The following FSCN3 variants were observed in gnomAD, a reference collection of about 807,000 sequenced individuals.
The protein encoded by FSCN3 is fascin actin-bundling protein 3.
In FSCN3, 43 loss-of-function variants were observed where a neutral mutation model predicts 53.5. The observed-to-expected ratio is 0.80, with a 90% CI of 0.63 to 1.04. The LOEUF is 1.04. Ranked by LOEUF, FSCN3 falls within the 50% of genes least tolerant of loss-of-function variation. The pLI, the probability that FSCN3 is intolerant of heterozygous loss-of-function variation, is 0.00. For synonymous variants in FSCN3, 235 were observed against 246.6 expected, an observed-to-expected ratio of 0.95 and a Z score of 0.44; for missense variants, 594 against 646.5, an observed-to-expected ratio of 0.92 and a Z score of 0.88.
In FSCN3 at chr7:127,593,866, G is replaced by C; in HGVS notation, c.13G>C (p.Glu5Gln). ...TGGTGTCAGCCCCATGGATGAGACA[G>C]AGTGGATACACAGACATCCCAAGGC... Reference protein sequence around the residue: MDETEWIHRHPKAED... With the variant: MDETQWIHRHPKAED... The change falls in exon 1 of 7, where the codon GAG (glutamate) becomes CAG (glutamine). Residue 5 changes from glutamate (E) to glutamine (Q), a missense_variant. Coordinates refer to ENST00000265825, the MANE Select transcript of FSCN3 (RefSeq NM_020369.3). 6.4e-7 allele frequency: 1 copy of C among 1,570,152 alleles called. No homozygotes were observed. Among genetic ancestry groups the C allele is most frequent in the Non-Finnish European group, 8.6e-7 (1 of 1,157,308 alleles).
intron 3 of FSCN3, among the ~76,000 whole-genome samples, chr7:127,596,936 T>C (rs1243637306): frequency 6.6e-6 from 1 of 152,252 alleles, no homozygotes; most frequent in Non-Finnish European, 1.5e-5. Flanking sequence ...TAGATTTGCC[T>C]ACCTACTTTA....
chr7:127,594,749 G>C (rs1453790632), intron 1 of FSCN3: 2 of 471,266 alleles, frequency 4.2e-6, no homozygotes, highest in Non-Finnish European at 8.8e-6. Context: ...CCAGACTGAG[G>C]CAGGGGCAAA....
At position 127,595,866 on chromosome 7, in the gene FSCN3, T is replaced by A. The variant is rs754687840; in HGVS notation, c.704T>A (p.Leu235Ter). The change falls in exon 2 of 7, where the codon TTA (leucine) becomes TAA (stop). Residue 235 changes from leucine to a stop codon, truncating the protein, a stop_gained. Transcript: ENST00000265825. LOFTEE classifies it high-confidence loss of function. ...CTGTGTGATGGAGAAGGAGGCATGT[T>A]ATATCCACAGGGCACGCATCTGCTC... is the stretch of plus-strand genomic sequence containing the variant. ...VALCDGEGGM[L>*]YPQGTHLLLG... 3.1e-6 allele frequency: 5 copies of A among 1,613,814 alleles called. No individual in the cohort carries two copies. The highest frequency in any genetic ancestry group is 4.2e-6 in the Non-Finnish European group (5 of 1,179,850).
chr7:127,600,818 C>T (rs528296985), intron 6 of FSCN3, among the ~76,000 whole-genome samples: 1 of 152,260 alleles, frequency 6.6e-6, no homozygotes, highest in African/African-American at 2.4e-5. Flanking sequence ...CCTCTTGGAC[C>T]CCTGGGTCTC....
chr7:127,598,365 A>G (rs1041533056), intron 3 of FSCN3, 70 bp from the exon 4 acceptor site: 25 of 1,437,378 alleles, frequency 1.7e-5, no homozygotes, highest in Non-Finnish European at 2.3e-5. Context: ...GTCTAGGAAT[A>G]AAACTGATGG....
chr7:127,600,067 C>A lies in FSCN3; in HGVS notation c.1292-127C>A. 4.8e-6 allele frequency: 3 copies of A among 630,848 alleles called. No homozygotes were observed. In the East Asian group the frequency reaches 8.1e-5, roughly 17 times the overall value. 39.1% of individuals were successfully genotyped at this position (630,848 alleles called of 1,614,324 possible). ...GCGCTCCTGCATTTCCATAGAAGGA[C>A]CCGCCAATGCAGGCAGGATGGGGCA... On this transcript the variant is annotated intron_variant, in intron 5 of 6. Coordinates refer to ENST00000265825, the MANE Select transcript of FSCN3 (RefSeq NM_020369.3).
At chr7:127,595,173 G>C in intron 1 of FSCN3, 134 bp from the exon 2 acceptor site, 1 of 694,376 alleles carries the variant, frequency 1.4e-6, no homozygotes, top group Non-Finnish European at 2.4e-6. Context: ...GGAGATACCA[G>C]GGCTGATGTG....
intron 6 of FSCN3, 93 bp downstream of exon 6, chr7:127,600,492 C>T: frequency 1.4e-6 from 1 of 703,894 alleles, no homozygotes; most frequent in South Asian, 1.7e-5. Flanking sequence ...GATGGGAAGA[C>T]CAAAATGCAC....
At chr7:127,601,056 T>C (rs1562957186) in intron 6 of FSCN3, among the ~76,000 whole-genome samples, 1 of 152,226 alleles carries the variant, frequency 6.6e-6, no homozygotes, top group South Asian at 2.1e-4. Flanking sequence ...GAGCTCAGCA[T>C]GATCTCTCCA....
rs578049748 is a variant in FSCN3 at position 127,601,964 on chromosome 7, C to T, written c.*342C>T. On this transcript the variant is annotated 3_prime_UTR_variant, in exon 7 of 7. Coordinates refer to ENST00000265825, the MANE Select transcript of FSCN3 (RefSeq NM_020369.3). ...AACTGCTAGACTTTTTCCAGTGAAC[C>T]CATGAGCAGCCAGCATTGCCCTGAA... The T allele has an allele frequency of 6.6e-6, 1 of 152,164 alleles. No homozygotes were observed. Among genetic ancestry groups the T allele is most frequent in the African/African-American group, 2.4e-5 (1 of 41,414 alleles). The allele number at this position is 152,164 out of a possible 1,614,324, so 9.4% of individuals were successfully genotyped here. A position where few individuals can be genotyped will look rare whatever the true frequency, so the allele number is the denominator to read the frequency against.
Position 127,595,662 on chromosome 7 carries a change from G to A in FSCN3, c.500G>A (p.Trp167Ter), listed in dbSNP as rs1309781656. The change falls in exon 2 of 7, where the codon TGG becomes TAG. Residue 167 changes from tryptophan to a stop codon, truncating the protein, a stop_gained. Transcript: ENST00000265825. LOFTEE classifies it high-confidence loss of function. ...ARADPTMGRIWVDAAVPCLEE... is the reference protein window; with the variant it reads ...ARADPTMGRI ...GCTGACCCCACTATGGGCCGCATCT[G>A]GGTGGACGCAGCAGTTCCCTGCCTG... 1 of 1,613,658 alleles carries A rather than the reference G, an allele frequency of 6.2e-7. No individual in the cohort carries two copies. The highest frequency in any genetic ancestry group is 1.3e-5 in the African/African-American group (1 of 74,922).
intron 3 of FSCN3, among the ~76,000 whole-genome samples, chr7:127,598,044 T>A (rs980546501): frequency 4.6e-5 from 7 of 152,270 alleles, no homozygotes; most frequent in African/African-American, 1.7e-4. Context: ...TGGTTACTGC[T>A]TTTCTTGTCC....
rs1361203390 is a variant in FSCN3 at position 127,595,680 on chromosome 7, C to T, written c.518C>T (p.Pro173Leu). The T allele has an allele frequency of 6.2e-7, 1 of 1,614,094 alleles. No individual in the cohort carries two copies. Among genetic ancestry groups the T allele is most frequent in the African/African-American group, 1.3e-5 (1 of 75,054 alleles). ...MGRIWVDAAV[P>L]CLEECGFLLH... The stretch of plus-strand genomic sequence containing the variant: ...CGCATCTGGGTGGACGCAGCAGTTC[C>T]CTGCCTGGAGGAGTGTGGCTTCCTG... The change falls in exon 2 of 7, where the codon CCC becomes CTC. Residue 173 changes from proline (P) to leucine (L), a missense_variant. Coordinates refer to ENST00000265825, the MANE Select transcript of FSCN3 (RefSeq NM_020369.3).
chr7:127,593,872 A>T lies in FSCN3; in HGVS notation c.19A>T (p.Ile7Leu). Residue 7 changes from isoleucine (I) to leucine (L), a missense_variant, in exon 1 of 7, where the codon ATA becomes TTA. Ile to Leu is a conservative substitution (Grantham distance 5, BLOSUM62 2). Transcript: ENST00000265825. MDETEW[I>L]HRHPKAEDLR... ...CAGCCCCATGGATGAGACAGAGTGGATACACAGACATCCCAAGGCTGAGGA... is the reference window on the plus strand; with the variant it reads ...CAGCCCCATGGATGAGACAGAGTGGTTACACAGACATCCCAAGGCTGAGGA... The T allele has an allele frequency of 6.4e-7, 1 of 1,573,080 alleles. No individual in the cohort carries two copies. Among genetic ancestry groups the T allele is most frequent in the Non-Finnish European group, 8.6e-7 (1 of 1,158,856 alleles).
chr7:127,598,331 T>A, intron 3 of FSCN3, 104 bp from the exon 4 acceptor site: 1 of 1,082,068 alleles, frequency 9.2e-7, no homozygotes, highest in Non-Finnish European at 1.4e-6. Flanking sequence ...TGAAAAAGGC[T>A]GATGAGTGGG....
intron 4 of FSCN3, 98 bp downstream of exon 4, chr7:127,598,692 G>C (rs1450371597): frequency 2.8e-6 from 3 of 1,061,838 alleles, no homozygotes; most frequent in Admixed American, 2.2e-5. Flanking sequence ...AAGGCCGGGC[G>C]TGGTGGCTCA....
At position 127,595,784 on chromosome 7, in the gene FSCN3, C is replaced by G. The variant is rs1794378584; in HGVS notation, c.622C>G (p.Gln208Glu). Reference protein sequence around the residue: ...FLSHVDRLFSQPSSQTAFHMQ... With the variant: ...FLSHVDRLFSEPSSQTAFHMQ... ...GTCCCATGTAGACCGGCTGTTCTCCCAACCCTCATCACAGACAGCTTTTCA... is the reference window on the plus strand; with the variant it reads ...GTCCCATGTAGACCGGCTGTTCTCCGAACCCTCATCACAGACAGCTTTTCA... Residue 208 changes from glutamine (Q) to glutamate (E), a missense_variant, in exon 2 of 7, where the codon CAA becomes GAA. Transcript: ENST00000265825. The G allele has an allele frequency of 6.2e-7, 1 of 1,613,818 alleles. No individual in the cohort carries two copies. The highest frequency in any genetic ancestry group is 1.7e-4 in the Middle Eastern group (1 of 6,060).
In FSCN3 at chr7:127,595,669, C is replaced by A; in HGVS notation, c.507C>A (p.Asp169Glu). Reference sequence around the variant, plus strand: ...CCACTATGGGCCGCATCTGGGTGGACGCAGCAGTTCCCTGCCTGGAGGAGT... The same window carrying A: ...CCACTATGGGCCGCATCTGGGTGGAAGCAGCAGTTCCCTGCCTGGAGGAGT... ...ADPTMGRIWV[D>E]AAVPCLEECG... The change falls in exon 2 of 7, where the codon GAC (aspartate) becomes GAA (glutamate). Residue 169 changes from aspartate to glutamate, a missense_variant. By Grantham distance (45) the Asp-to-Glu change is conservative. Transcript: ENST00000265825. 1 of 1,613,738 alleles carries A rather than the reference C, an allele frequency of 6.2e-7. No homozygotes were observed.
chr7:127,595,611 G>A lies in FSCN3; in HGVS notation c.449G>A (p.Ser150Asn), dbSNP rs1417120834. ...CTCCATGTCCACGTGATCCTCTACAGCCCCATCCACCGCTGCTATGCCCGG... is the reference window on the plus strand; with the variant it reads ...CTCCATGTCCACGTGATCCTCTACAACCCCATCCACCGCTGCTATGCCCGG... Reference protein sequence around the residue: ...PALHVHVILYSPIHRCYARAD... With the variant: ...PALHVHVILYNPIHRCYARAD... The change falls in exon 2 of 7, where the codon AGC becomes AAC. Residue 150 changes from serine (S) to asparagine (N), a missense_variant. Transcript: ENST00000265825. The A allele has an allele frequency of 1.2e-6, 2 of 1,613,908 alleles. No homozygotes were observed. The highest frequency in any genetic ancestry group is 1.7e-5 in the Admixed American group (1 of 59,982).
Sources: allele counts gnomAD v4.1 joint callset (sites outside exome capture counted in the v4.1 genomes callset), GRCh38; gene constraint gnomAD v4.1.1; transcripts MANE v1.5; gene names NCBI Gene and HGNC (gene_info 2026-07-23, HGNC 2026-07-21).